HSPA12A: variants seen among roughly 807,000 people sequenced by gnomAD.
HSPA12A encodes the protein heat shock 70 kDa protein 12A.
Under a neutral mutation model 69.2 loss-of-function variants are expected in HSPA12A, and 28 were observed. The observed-to-expected ratio is 0.40, with a 90% CI of 0.30 to 0.55. The LOEUF is 0.55. Among genes scored for constraint, HSPA12A ranks in the 20% least tolerant of loss-of-function variants. The probability of loss-of-function intolerance (pLI) is 0.38; values close to 1 mark genes in which losing one functional copy is unlikely to be tolerated. For synonymous variants in HSPA12A, 345 were observed against 370.5 expected, an observed-to-expected ratio of 0.93 and a Z score of 0.79; for missense variants, 686 against 900.7, an observed-to-expected ratio of 0.76 and a Z score of 3.05.
intron 2 of HSPA12A, among the ~76,000 whole-genome samples, chr10:116,771,719 G>A (rs1425319600): frequency 6.6e-6 from 1 of 152,212 alleles, no homozygotes; most frequent in Non-Finnish European, 1.5e-5. Flanking sequence ...TGCAGTGGAT[G>A]GAGGTTTCTC....
At chr10:116,747,572 AC>A (rs1554887935) in intron 2 of HSPA12A, among the ~76,000 whole-genome samples, 1 of 152,252 alleles carries the variant, frequency 6.6e-6, no homozygotes, top group Non-Finnish European at 1.5e-5. Context: ...AACTCACCAG[AC>A]ACTATGAGAG....
In HSPA12A at chr10:116,684,026, C is replaced by T. The variant is rs571137403; in HGVS notation, c.664-64G>A. ...TGGGCCGGCCTGCTCCTAGGACACC[C>T]GTGCCTGGACTGACATCCCTAAGGA... On this transcript the variant is annotated intron_variant, in intron 6 of 11. Transcript: ENST00000369209. The T allele has an allele frequency of 7.2e-6, 10 of 1,381,102 alleles. No individual in the cohort carries two copies. In the East Asian group the frequency reaches 9.9e-5, roughly 14 times the overall value. 85.6% of individuals were successfully genotyped at this position (1,381,102 alleles called of 1,614,324 possible).
At position 116,845,004 on chromosome 10, in the gene HSPA12A, A is replaced by G. The variant is rs559109999; in HGVS notation, c.3+4562T>C. Among the ~76,000 whole-genome samples the G allele has an allele frequency of 5.1e-4, 78 of 152,280 alleles. 2 individuals carry two copies. The South Asian group carries it at 0.015, about 29-fold the overall frequency. On this transcript the variant is annotated intron_variant, in intron 1 of 12. Coordinates refer to the HSPA12A transcript ENST00000635765. Reference sequence around the variant, plus strand: ...GCAGATTGCAATAGATTATGTCCTGATATTTTATCTTAAATTAGAGTTATA... The same window carrying G: ...GCAGATTGCAATAGATTATGTCCTGGTATTTTATCTTAAATTAGAGTTATA...
intron 2 of HSPA12A, among the ~76,000 whole-genome samples, chr10:116,758,308 G>T (rs1843895899): frequency 6.6e-6 from 1 of 152,090 alleles, no homozygotes. Flanking sequence ...CCCATGTCCA[G>T]GCCTCCTCAA....
chr10:116,735,684 A>G (rs1851293666), intron 1 of HSPA12A, among the ~76,000 whole-genome samples: 1 of 152,138 alleles, frequency 6.6e-6, no homozygotes, highest in Admixed American at 6.5e-5. Flanking sequence ...AGACCTGCCC[A>G]GAGAATCATA....
chr10:116,721,486 C>T lies in HSPA12A; in HGVS notation c.41-14201G>A, dbSNP rs79249238. ...CTTTTTATATTGTACCAAGCCAGCT[C>T]CTGGCCCAGAGAAGGCAAAATACTG... On this transcript the variant is annotated intron_variant, in intron 1 of 11. Coordinates refer to ENST00000369209, the MANE Select transcript of HSPA12A (RefSeq NM_025015.3). Among the ~76,000 whole-genome samples, 39 of 152,292 alleles carry T rather than the reference C, an allele frequency of 2.6e-4. No homozygotes were observed. In the East Asian group the frequency reaches 6.2e-3, roughly 24 times the overall value.
chr10:116,747,709 A>C (rs1554887950), intron 2 of HSPA12A, among the ~76,000 whole-genome samples: 1 of 152,212 alleles, frequency 6.6e-6, no homozygotes, highest in African/African-American at 2.4e-5. Flanking sequence ...CAGTAAATAA[A>C]TAATGGAGGC....
chr10:116,694,642 G>A (rs570475605), intron 5 of HSPA12A, among the ~76,000 whole-genome samples: 6 of 151,970 alleles, frequency 3.9e-5, no homozygotes, highest in Admixed American at 6.6e-5. Context: ...TTTTGCCCCC[G>A]AGCCCCTACG....
In HSPA12A at chr10:116,701,012, G is replaced by C; in HGVS notation, c.372C>G (p.Asp124Glu). 1 of 1,613,996 alleles carries C rather than the reference G, an allele frequency of 6.2e-7. No homozygotes were observed. The highest frequency in any genetic ancestry group is 8.5e-7 in the Non-Finnish European group (1 of 1,180,020). Residue 124 changes from aspartate to glutamate, a missense_variant, in exon 4 of 12, where the codon GAC (aspartate) becomes GAG (glutamate). Transcript: ENST00000369209. ...FGYAARDFYHDLDPNEAKQWL... is the reference protein window; with the variant it reads ...FGYAARDFYHELDPNEAKQWL... ...ACTGCTTGGCCTCATTGGGATCCAG[G>C]TCATGGTAAAAGTCCCTGGCGGCAT...
chr10:116,774,933 A>C lies in HSPA12A; in HGVS notation c.91+60002T>G, dbSNP rs116219820. 1.4e-3 allele frequency among the ~76,000 whole-genome samples: 203 copies of C among 149,732 alleles called. 1 individual carries two copies. The highest frequency in any genetic ancestry group is 4.7e-3 in the African/African-American group (191 of 40,494). ...GGTCCAGCTGGCATCCTGTCACTCCACTCCCTCCCCAAGGGCCCCAGGTCG... is the reference window on the plus strand; with the variant it reads ...GGTCCAGCTGGCATCCTGTCACTCCCCTCCCTCCCCAAGGGCCCCAGGTCG... On this transcript the variant is annotated intron_variant, in intron 2 of 12. Coordinates refer to the HSPA12A transcript ENST00000635765.
At chr10:116,790,133 G>A (rs1034709459) in intron 2 of HSPA12A, among the ~76,000 whole-genome samples, 21 of 114,616 alleles carry the variant, frequency 1.8e-4, no homozygotes, top group Admixed American at 2.7e-4. Context: ...ACAGAGTCTC[G>A]CTCTGTCGCC....
At chr10:116,839,462 T>G (rs1845768423) in intron 1 of HSPA12A, among the ~76,000 whole-genome samples, 2 of 152,166 alleles carry the variant, frequency 1.3e-5, no homozygotes, top group East Asian at 3.9e-4. Flanking sequence ...TTTTTCTCAG[T>G]TTGACAGGGA....
chr10:116,697,764 T>C (rs3010481), intron 5 of HSPA12A, among the ~76,000 whole-genome samples: 80,005 of 151,762 alleles, frequency 0.53, 21,482 homozygotes, highest in Middle Eastern at 0.66. Flanking sequence ...CACAAGGTTG[T>C]GCGCCCAACC....
intron 2 of HSPA12A, among the ~76,000 whole-genome samples, chr10:116,820,392 T>G (rs1845389736): frequency 6.6e-6 from 1 of 152,052 alleles, no homozygotes; most frequent in South Asian, 2.1e-4. Context: ...GATCACCTGG[T>G]CAGGGATGCG....
Position 116,683,961 on chromosome 10 carries a change from G to T in HSPA12A, c.665C>A (p.Ala222Glu). 1 of 1,567,052 alleles carries T rather than the reference G, an allele frequency of 6.4e-7. No individual in the cohort carries two copies. ...CGAGTTCTCGGGGGAGGCCAGGCCT[G>T]CCTGGAAGACAGAAACAGAGGCTGG... ...KQFMRQAAYQ[A>E]GLASPENSEQ... The change falls in exon 7 of 12, where the codon GCA (alanine) becomes GAA (glutamate). Residue 222 changes from alanine to glutamate, a missense_variant and splice_region_variant. Coordinates refer to ENST00000369209, the MANE Select transcript of HSPA12A (RefSeq NM_025015.3).
chr10:116,747,063 T>G (rs1851664472), upstream of HSPA12A, among the ~76,000 whole-genome samples: 1 of 152,238 alleles, frequency 6.6e-6, no homozygotes, highest in African/African-American at 2.4e-5. Context: ...CCTCCAACTG[T>G]CAGTGCATTT....
At chr10:116,681,924 A>G (rs1480393358) in intron 7 of HSPA12A, 47 bp from the exon 8 acceptor site, 13 of 1,567,450 alleles carry the variant, frequency 8.3e-6, no homozygotes, top group South Asian at 1.1e-5. Context: ...AAAGCATGAA[A>G]AAGCAGAGAT....
At chr10:116,765,048 C>A (rs1844048920) in intron 2 of HSPA12A, among the ~76,000 whole-genome samples, 1 of 152,134 alleles carries the variant, frequency 6.6e-6, no homozygotes, top group African/African-American at 2.4e-5. Context: ...AGTGTTTTGA[C>A]TTTGGAGAGG....
intron 4 of HSPA12A, among the ~76,000 whole-genome samples, chr10:116,699,017 G>A (rs1850000708): frequency 6.6e-6 from 1 of 152,116 alleles, no homozygotes; most frequent in Non-Finnish European, 1.5e-5. Flanking sequence ...GGGAGCAAAG[G>A]TTTCAGGGGC....
Sources: gnomAD v4.1 joint callset for allele counts (sites outside exome capture counted in the v4.1 genomes callset) on GRCh38, gnomAD v4.1.1 for gene constraint, MANE v1.5 for transcripts, NCBI Gene and HGNC (gene_info 2026-07-23, HGNC 2026-07-21) for gene names.